PRP4K: variants seen among roughly 807,000 people sequenced by gnomAD.
The protein encoded by PRP4K is serine/threonine-protein kinase PRP4 homolog.
the PRP4K span, among the ~76,000 whole-genome samples, chr6:4,024,512 T>G: frequency 6.7e-6 from 1 of 149,504 alleles, no homozygotes; most frequent in South Asian, 2.2e-4. Flanking sequence ...TGTCTCTGTA[T>G]ATTTTGAATG....
chr6:4,051,361 T>C, the PRP4K span, among the ~76,000 whole-genome samples: 2 of 152,174 alleles, frequency 1.3e-5, no homozygotes, highest in Non-Finnish European at 2.9e-5. Flanking sequence ...TTGCCCAGGC[T>C]GGCGTGCGGT....
the PRP4K span, among the ~76,000 whole-genome samples, chr6:4,023,213 G>A: frequency 1.3e-5 from 2 of 152,170 alleles, no homozygotes; most frequent in South Asian, 4.1e-4. Context: ...CAGTTCTTTA[G>A]AGAACACTGA....
the PRP4K span, chr6:4,050,018 G>GT: frequency 0.013 from 243 of 18,068 alleles, 50 homozygotes; most frequent in South Asian, 0.037. Context: ...GGAAACAGTT[G>GT]TTTTTTTTTT....
chr6:4,041,903 A>G, the PRP4K span, among the ~76,000 whole-genome samples: 1 of 152,380 alleles, frequency 6.6e-6, no homozygotes, highest in Admixed American at 6.5e-5. Flanking sequence ...TCTGCAGCGA[A>G]CATTCAGCAG....
the PRP4K span, chr6:4,061,776 A>G: frequency 6.6e-6 from 1 of 152,606 alleles, no homozygotes; most frequent in Non-Finnish European, 1.5e-5. Flanking sequence ...AGTGTTGTCT[A>G]TTGCATAAAA....
At chr6:4,034,582 A>T in the PRP4K span, among the ~76,000 whole-genome samples, 1 of 152,202 alleles carries the variant, frequency 6.6e-6, no homozygotes, top group African/African-American at 2.4e-5. Flanking sequence ...AACCTTTATT[A>T]CCAGGATACC....
the PRP4K span, chr6:4,056,713 G>A: frequency 6.5e-7 from 1 of 1,530,466 alleles, no homozygotes; most frequent in Non-Finnish European, 8.8e-7. Flanking sequence ...TTTATGGATT[G>A]TATGGGACCT....
chr6:4,026,215 G>A, the PRP4K span, among the ~76,000 whole-genome samples: 1 of 151,170 alleles, frequency 6.6e-6, no homozygotes, highest in Non-Finnish European at 1.5e-5. Context: ...TGTTGGTCAG[G>A]CTGGTCTTGA....
At chr6:4,048,196 G>A in the PRP4K span, among the ~76,000 whole-genome samples, 2 of 151,816 alleles carry the variant, frequency 1.3e-5, no homozygotes, top group African/African-American at 4.9e-5. Context: ...GGCTAATACG[G>A]TGAAACCCCA....
chr6:4,043,126 G>A, the PRP4K span, among the ~76,000 whole-genome samples: 7 of 152,226 alleles, frequency 4.6e-5, no homozygotes, highest in South Asian at 1.0e-3. Context: ...CTCTTCCTTC[G>A]AAGACAAAAG....
chr6:4,040,696 C>A, the PRP4K span: 4 of 1,415,660 alleles, frequency 2.8e-6, no homozygotes, highest in Middle Eastern at 4.7e-4. Context: ...CTATATATCC[C>A]CTGTGCCCAC....
chr6:4,033,527 A>G, the PRP4K span, among the ~76,000 whole-genome samples: 1 of 152,152 alleles, frequency 6.6e-6, no homozygotes. Flanking sequence ...GAGTGTTTAT[A>G]CCACTTAAAC....
At chr6:4,040,964 GT>G in the PRP4K span, 5 of 1,552,172 alleles carry the variant, frequency 3.2e-6, no homozygotes, top group Non-Finnish European at 3.5e-6. Flanking sequence ...TGTTTTTCCA[GT>G]TTAGAGAAGT....
the PRP4K span, among the ~76,000 whole-genome samples, chr6:4,036,424 G>A: frequency 6.6e-6 from 1 of 152,162 alleles, no homozygotes; most frequent in African/African-American, 2.4e-5. Flanking sequence ...GTTTCGCCAT[G>A]TTACCCAGGC....
At chr6:4,049,362 G>A in the PRP4K span, 4 of 462,480 alleles carry the variant, frequency 8.6e-6, no homozygotes, top group Non-Finnish European at 1.5e-5. Flanking sequence ...CCATGAGATA[G>A]TCTTCCAGAA....
At chr6:4,043,614 A>C in the PRP4K span, among the ~76,000 whole-genome samples, 1 of 152,182 alleles carries the variant, frequency 6.6e-6, no homozygotes, top group Non-Finnish European at 1.5e-5. Flanking sequence ...CACTGAAGAA[A>C]GAAAAACTTT....
chr6:4,025,268 G>C, the PRP4K span, among the ~76,000 whole-genome samples: 4 of 152,174 alleles, frequency 2.6e-5, no homozygotes, highest in Non-Finnish European at 5.9e-5. Flanking sequence ...CAAGAGGGCC[G>C]TTAGGTTTCT....
the PRP4K span, chr6:4,052,916 A>G: frequency 3.5e-5 from 54 of 1,525,502 alleles, no homozygotes; most frequent in Non-Finnish European, 4.6e-5. Context: ...TTGAACATAC[A>G]TTTCACTTCT....
At chr6:4,032,437 C>T in the PRP4K span, 13 of 1,614,034 alleles carry the variant, frequency 8.1e-6, no homozygotes, top group Non-Finnish European at 1.1e-5. Context: ...GACAGAAGGT[C>T]ACGGTCCAAA....
Sources: gnomAD v4.1 joint callset for allele counts (sites outside exome capture counted in the v4.1 genomes callset) on GRCh38, gnomAD v4.1.1 for gene constraint, MANE v1.5 for transcripts, NCBI Gene and HGNC (gene_info 2026-07-23, HGNC 2026-07-21) for gene names.